The following EXOC2 variants were observed in gnomAD, a reference collection of about 807,000 sequenced individuals.
EXOC2 encodes SEC5-like 1.
A neutral mutation model predicts 131.8 loss-of-function variants in EXOC2; 70 were observed. That is an observed-to-expected ratio of 0.53 (90% CI 0.44 to 0.65). The LOEUF (loss-of-function observed/expected upper bound fraction) is 0.65, where lower values mean the gene tolerates loss of function less well. Ranked by LOEUF, EXOC2 falls within the 30% of genes least tolerant of loss-of-function variation. EXOC2 has a pLI of 0.00. For synonymous variants in EXOC2, 411 were observed against 398.4 expected (o/e 1.03, Z -0.38); for missense variants, 923 against 1,108.6 (o/e 0.83, Z 2.38).
intron 23 of EXOC2, among the ~76,000 whole-genome samples, chr6:503,185 C>T (rs1402491865): frequency 1.1e-4 from 17 of 150,304 alleles, no homozygotes; most frequent in African/African-American, 3.4e-4. Context: ...TTTTTATTAC[C>T]GATTGGGCTG....
At chr6:590,347 AGAGATACC>A (rs575088732) in intron 11 of EXOC2, among the ~76,000 whole-genome samples, 173 of 152,334 alleles carry the variant, frequency 1.1e-3, no homozygotes, top group Admixed American at 2.0e-3. Context: ...TGGCTTCAGC[AGAGATACC>A]TGGGTTTTCT....
intron 1 of EXOC2, among the ~76,000 whole-genome samples, chr6:660,949 A>C (rs1763399730): frequency 6.6e-6 from 1 of 152,234 alleles, no homozygotes; most frequent in Non-Finnish European, 1.5e-5. Context: ...TAGATAGCTT[A>C]AAGAAAAAAC....
intron 13 of EXOC2, among the ~76,000 whole-genome samples, chr6:571,375 A>G (rs994738061): frequency 5.9e-5 from 9 of 152,250 alleles, no homozygotes; most frequent in Non-Finnish European, 1.2e-4. Flanking sequence ...AGTAAATTTT[A>G]TAGGTTAGAA....
chr6:495,385 A>G (rs942530329), intron 25 of EXOC2, among the ~76,000 whole-genome samples: 4 of 151,810 alleles, frequency 2.6e-5, no homozygotes, highest in African/African-American at 9.7e-5. Context: ...CGGCCTCCCA[A>G]AGTGCTGGGA....
chr6:598,195 A>G, intron 9 of EXOC2, 72 bp from the exon 10 acceptor site: 7 of 1,291,180 alleles, frequency 5.4e-6, no homozygotes, highest in Non-Finnish European at 7.6e-6. Context: ...AAAGCAGAAT[A>G]GTAGTTGCTT....
At chr6:508,188 G>C (rs936112693) in intron 23 of EXOC2, among the ~76,000 whole-genome samples, 2 of 152,194 alleles carry the variant, frequency 1.3e-5, no homozygotes, top group African/African-American at 4.8e-5. Context: ...AGAAGGTGCA[G>C]AGATTTCACA....
At chr6:556,157 G>T in intron 18 of EXOC2, 144 bp from the exon 19 acceptor site, 1 of 741,822 alleles carries the variant, frequency 1.3e-6, no homozygotes. Context: ...CGAAGAGTGG[G>T]CCTACTGGGA....
At chr6:526,682 C>T (rs1018996878) in intron 23 of EXOC2, among the ~76,000 whole-genome samples, 3 of 151,968 alleles carry the variant, frequency 2.0e-5, no homozygotes, top group Non-Finnish European at 2.9e-5. Flanking sequence ...TCAGGTGATC[C>T]GCCCGCCTCA....
At chr6:656,030 C>T in intron 1 of EXOC2, 2 of 1,105,570 alleles carry the variant, frequency 1.8e-6, no homozygotes, top group Non-Finnish European at 2.6e-6. Context: ...TCCAAATTTT[C>T]AACCCAATTA....
chr6:587,717 TTAC>T (rs1759296884), intron 11 of EXOC2, among the ~76,000 whole-genome samples: 1 of 152,232 alleles, frequency 6.6e-6, no homozygotes, highest in African/African-American at 2.4e-5. Context: ...CGCATTTCAT[TTAC>T]CATTTGCCTG....
intron 23 of EXOC2, among the ~76,000 whole-genome samples, chr6:507,804 ATTCTTC>A (rs1255003081): frequency 6.6e-6 from 1 of 152,214 alleles, no homozygotes; most frequent in Non-Finnish European, 1.5e-5. Flanking sequence ...GGCAGACAGG[ATTCTTC>A]TTCTTCTTAA....
At chr6:537,331 A>C in intron 22 of EXOC2, among the ~76,000 whole-genome samples, 1 of 150,990 alleles carries the variant, frequency 6.6e-6, no homozygotes, top group South Asian at 2.1e-4. Context: ...CGGCCGACGG[A>C]GCGTACACTC....
chr6:548,671 G>A (rs1331023598), intron 22 of EXOC2, among the ~76,000 whole-genome samples: 3 of 152,214 alleles, frequency 2.0e-5, no homozygotes, highest in African/African-American at 7.2e-5. Flanking sequence ...GCCAGCGGCT[G>A]TGTGTGCACG....
Position 610,154 on chromosome 6 carries a change from T to G in EXOC2, c.686A>C (p.Asp229Ala). Residue 229 changes from aspartate (D) to alanine (A), a missense_variant, in exon 7 of 28, where the codon GAT becomes GCT. Coordinates refer to ENST00000230449, the MANE Select transcript of EXOC2 (RefSeq NM_018303.6). ...GGATCCTTCTACTTTTTCCGTTCCA[T>G]CTGCTTCTAGTTTTTGATGGATGGC... ...LSAIHQKLEA[D>A]GTEKVEGSMT... 6.2e-7 allele frequency: 1 copy of G among 1,614,074 alleles called. No homozygotes were observed.
chr6:580,481 T>C (rs1284410753), intron 11 of EXOC2, among the ~76,000 whole-genome samples: 4 of 152,236 alleles, frequency 2.6e-5, no homozygotes, highest in Non-Finnish European at 5.9e-5. Flanking sequence ...TAACTGTTCC[T>C]AGAATTTGTT....
chr6:535,659 T>C (rs1448415747), intron 22 of EXOC2, among the ~76,000 whole-genome samples: 1 of 152,212 alleles, frequency 6.6e-6, no homozygotes, highest in Non-Finnish European at 1.5e-5. Context: ...GAATCCATTA[T>C]AGACAAGGAC....
At chr6:662,755 C>T (rs1581652585) in intron 1 of EXOC2, among the ~76,000 whole-genome samples, 1 of 152,136 alleles carries the variant, frequency 6.6e-6, no homozygotes, top group Middle Eastern at 3.4e-3. Context: ...ACTAGAGAAA[C>T]AAGAACAAAC....
At chr6:647,406 G>T (rs17757367) in intron 1 of EXOC2, among the ~76,000 whole-genome samples, 15,305 of 150,748 alleles carry the variant, frequency 0.1, 1,102 homozygotes, top group Non-Finnish European at 0.15. Context: ...CACAGAATCA[G>T]AGCCAAAGGA....
intron 23 of EXOC2, among the ~76,000 whole-genome samples, chr6:507,011 T>TAC (rs150515907): frequency 2.2e-4 from 32 of 148,574 alleles, no homozygotes; most frequent in Non-Finnish European, 2.8e-4. Context: ...TAGCAGGGAC[T>TAC]ACACACACAC....
Sources: allele counts gnomAD v4.1 joint callset (sites outside exome capture counted in the v4.1 genomes callset), GRCh38; gene constraint gnomAD v4.1.1; transcripts MANE v1.5; gene names NCBI Gene and HGNC (gene_info 2026-07-23, HGNC 2026-07-21).